The following FNDC3A variants were observed in gnomAD, a reference collection of about 807,000 sequenced individuals.
FNDC3A encodes fibronectin type III domain containing 3A.
In FNDC3A, 32 loss-of-function variants were observed where a neutral mutation model predicts 148.9. The ratio of observed to expected loss-of-function variants is 0.21; its 90% CI spans 0.16 to 0.29. The LOEUF (loss-of-function observed/expected upper bound fraction) is 0.29. Among genes scored for constraint, FNDC3A ranks in the 10% least tolerant of loss-of-function variants. FNDC3A has a pLI of 1.00. For synonymous variants in FNDC3A, 472 were observed against 473.6 expected, an observed-to-expected ratio of 1.00 and a Z score of 0.04; for missense variants, 1,191 against 1,452.8, an observed-to-expected ratio of 0.82 and a Z score of 2.93.
chr13:49,163,423 G>C (rs368609096), intron 8 of FNDC3A, among the ~76,000 whole-genome samples: 1 of 152,202 alleles, frequency 6.6e-6, no homozygotes, highest in South Asian at 2.1e-4. Context: ...CTCTGTGGGC[G>C]TGGGACCCTC....
At chr13:49,085,145 A>G (rs887805343) in intron 3 of FNDC3A, among the ~76,000 whole-genome samples, 2 of 152,164 alleles carry the variant, frequency 1.3e-5, no homozygotes, top group Non-Finnish European at 2.9e-5. Context: ...CCACACGTCC[A>G]TCCTCATTCC....
chr13:49,178,403 C>G lies in FNDC3A; in HGVS notation c.1531-165C>G, dbSNP rs2025312. On this transcript the variant is annotated intron_variant, in intron 13 of 25. Transcript: ENST00000492622. ...GTTCAATAAGCATTTCCGGGTCTACCCACTGAAGACAGAAGCATCGAGGTG... is the reference window on the plus strand; with the variant it reads ...GTTCAATAAGCATTTCCGGGTCTACGCACTGAAGACAGAAGCATCGAGGTG... Among the ~76,000 whole-genome samples, 1,433 of 152,256 alleles carry G rather than the reference C, an allele frequency of 9.4e-3. 23 individuals carry two copies. Among genetic ancestry groups the G allele is most frequent in the African/African-American group, 0.032 (1,349 of 41,540 alleles).
chr13:49,144,217 A>G (rs1278329436), intron 7 of FNDC3A, among the ~76,000 whole-genome samples: 2 of 152,044 alleles, frequency 1.3e-5, no homozygotes, highest in African/African-American at 2.4e-5. Context: ...AAACCTGCTC[A>G]GTTTCAAGTT....
intron 20 of FNDC3A, 124 bp from the exon 21 acceptor site, chr13:49,197,601 T>G (rs1886215599): frequency 1.4e-6 from 1 of 738,700 alleles, no homozygotes; most frequent in African/African-American, 1.8e-5. Flanking sequence ...TGATTGTGCT[T>G]AAAAGTTTTA....
chr13:49,189,676 G>A (rs937479465), intron 17 of FNDC3A, among the ~76,000 whole-genome samples: 1 of 152,068 alleles, frequency 6.6e-6, no homozygotes, highest in Non-Finnish European at 1.5e-5. Flanking sequence ...TTGTGCTCCA[G>A]TTGCTTCATT....
In FNDC3A at chr13:49,145,882, T is replaced by C. The variant is rs1430704036; in HGVS notation, c.924T>C (p.Tyr308=). ...DESSVPELYG[Y]EVLISSTGKD... ...GTAGTGTACCAGAGCTCTATGGTTA[T>C]GAAGTTCTGATCTCAAGTACTGGAA... Residue 308 remains tyrosine, a synonymous_variant, in exon 8 of 26, where the codon TAT becomes TAC. Transcript: ENST00000492622. 6.2e-7 allele frequency: 1 copy of C among 1,613,268 alleles called. No individual in the cohort carries two copies. Among genetic ancestry groups the C allele is most frequent in the Admixed American group, 1.7e-5 (1 of 59,984 alleles).
chr13:49,182,264 C>G (rs1381249672), intron 14 of FNDC3A, among the ~76,000 whole-genome samples: 4 of 152,152 alleles, frequency 2.6e-5, no homozygotes, highest in African/African-American at 9.7e-5. Flanking sequence ...ACTAGGATTA[C>G]AGGCATGAGC....
chr13:49,062,341 T>C (rs1876957438), intron 2 of FNDC3A, among the ~76,000 whole-genome samples: 1 of 152,176 alleles, frequency 6.6e-6, no homozygotes, highest in Non-Finnish European at 1.5e-5. Flanking sequence ...GGGGTAAAGA[T>C]GAAATTTGGA....
intron 8 of FNDC3A, among the ~76,000 whole-genome samples, chr13:49,165,253 G>C (rs1884389123): frequency 6.6e-6 from 1 of 151,956 alleles, no homozygotes; most frequent in African/African-American, 2.4e-5. Flanking sequence ...CATATTTCTT[G>C]TGTCCTTATG....
intron 7 of FNDC3A, among the ~76,000 whole-genome samples, chr13:49,140,677 C>A (rs997673934): frequency 2.6e-5 from 4 of 152,080 alleles, no homozygotes; most frequent in Non-Finnish European, 2.9e-5. Context: ...TTACCGCTTA[C>A]AAAGTGACAG....
intron 2 of FNDC3A, among the ~76,000 whole-genome samples, chr13:49,020,165 T>G (rs1294123969): frequency 6.6e-6 from 1 of 152,182 alleles, no homozygotes; most frequent in African/African-American, 2.4e-5. Context: ...GCATTTAAAA[T>G]AAAATTTATT....
chr13:49,111,005 C>T (rs1880531804), intron 3 of FNDC3A, among the ~76,000 whole-genome samples: 1 of 152,100 alleles, frequency 6.6e-6, no homozygotes, highest in South Asian at 2.1e-4. Flanking sequence ...GTAAATCATG[C>T]TCAAATCACA....
At chr13:48,990,354 G>C (rs966507998) in intron 1 of FNDC3A, among the ~76,000 whole-genome samples, 2 of 151,934 alleles carry the variant, frequency 1.3e-5, no homozygotes, top group African/African-American at 4.8e-5. Flanking sequence ...TGGCCACAAG[G>C]AGTTTAGAGT....
chr13:49,078,400 G>A (rs1878258165), intron 3 of FNDC3A, among the ~76,000 whole-genome samples: 1 of 152,170 alleles, frequency 6.6e-6, no homozygotes, highest in South Asian at 2.1e-4. Context: ...TTTTTAGGCA[G>A]GGACACATTT....
intron 8 of FNDC3A, among the ~76,000 whole-genome samples, chr13:49,154,079 G>A (rs1883496790): frequency 8.3e-6 from 1 of 119,884 alleles, no homozygotes; most frequent in Non-Finnish European, 1.7e-5. Context: ...GCTTGATGGG[G>A]ATGGCATTGA....
In FNDC3A at chr13:49,023,479, T is replaced by G. The variant is rs577584765; in HGVS notation, c.99+17190T>G. On this transcript the variant is annotated intron_variant, in intron 2 of 25. Transcript: ENST00000492622. ...ATTTAATATGTTTTTAAAACTGTTATGAAAGAGAATCATCAAACTCTTAAA... is the reference window on the plus strand; with the variant it reads ...ATTTAATATGTTTTTAAAACTGTTAGGAAAGAGAATCATCAAACTCTTAAA... Among the ~76,000 whole-genome samples, 4 of 151,752 alleles carry G rather than the reference T, an allele frequency of 2.6e-5. No homozygotes were observed. In the South Asian group the frequency reaches 8.3e-4, roughly 31 times the overall value.
intron 2 of FNDC3A, among the ~76,000 whole-genome samples, chr13:49,073,783 GTATA>G (rs1877891385): frequency 7.0e-6 from 1 of 142,692 alleles, no homozygotes; most frequent in Non-Finnish European, 1.5e-5. Context: ...ATATATATGT[GTATA>G]TATTATATAT....
intron 6 of FNDC3A, among the ~76,000 whole-genome samples, chr13:49,136,914 T>C (rs1031781015): frequency 1.3e-5 from 2 of 152,112 alleles, no homozygotes; most frequent in Non-Finnish European, 2.9e-5. Context: ...AGGGTCTTGC[T>C]TTGTCACCCA....
intron 1 of FNDC3A, among the ~76,000 whole-genome samples, chr13:48,991,124 ACAC>A (rs1225112282): frequency 6.6e-6 from 1 of 152,226 alleles, no homozygotes; most frequent in Non-Finnish European, 1.5e-5. Flanking sequence ...AATGGCCTAA[ACAC>A]CACAATTAAA....
Sources: allele counts gnomAD v4.1 joint callset (sites outside exome capture counted in the v4.1 genomes callset), GRCh38; gene constraint gnomAD v4.1.1; transcripts MANE v1.5; gene names NCBI Gene and HGNC (gene_info 2026-07-23, HGNC 2026-07-21).